Variants in TMEM253 observed in about 807,000 individuals in gnomAD.
The protein encoded by TMEM253 is transmembrane protein C14orf176.
TMEM253 carries 22 observed loss-of-function variants against 20.3 expected under a neutral mutation model. That is an observed-to-expected ratio of 1.08 (90% CI 0.78 to 1.55). The LOEUF (loss-of-function observed/expected upper bound fraction) is 1.55, where lower values mean the gene tolerates loss of function less well. TMEM253 is among the 40% of genes most tolerant of loss of function. TMEM253 has a pLI of 0.00. For missense variants in TMEM253, 251 were observed against 266.1 expected (o/e 0.94, Z 0.39); for synonymous variants, 92 against 102.6 (o/e 0.90, Z 0.62).
chr14:21,102,020 C>T, intron 3 of TMEM253, 44 bp from the exon 4 acceptor site: 1 of 1,550,574 alleles, frequency 6.4e-7, no homozygotes, highest in Non-Finnish European at 8.7e-7. Context: ...AGGGCCCCTT[C>T]CTAACGGGAC....
chr14:21,101,451 G>C, exon 2 of TMEM253: 1 of 1,551,110 alleles, frequency 6.4e-7, no homozygotes, highest in Non-Finnish European at 8.7e-7. Flanking sequence ...TGGTGCTAGC[G>C]GTGAGGCCAG....
exon 3 of TMEM253, chr14:21,101,958 C>A: frequency 6.4e-7 from 1 of 1,551,684 alleles, no homozygotes; most frequent in Non-Finnish European, 8.7e-7. Context: ...AGCGCTGCCT[C>A]TTGGGCCTGG....
chr14:21,103,275 C>G, exon 7 of TMEM253: 1 of 1,547,296 alleles, frequency 6.5e-7, no homozygotes, highest in East Asian at 2.4e-5. Context: ...GCTCTCCAGA[C>G]ATTCCTGCAT....
chr14:21,102,933 A>G, intron 6 of TMEM253, 154 bp downstream of exon 6: 2 of 1,359,122 alleles, frequency 1.5e-6, no homozygotes, highest in South Asian at 1.5e-5. Flanking sequence ...GGCTTTGAAC[A>G]TTTCTCCCCT....
rs1352806447 is a variant in TMEM253, at chr14:21,103,196, A to C, written c.592A>C (p.Thr198Pro). The C allele has an allele frequency of 7.7e-6, 12 of 1,551,716 alleles. 1 individual carries two copies. Among genetic ancestry groups the C allele is most frequent in the Admixed American group, 2.0e-5 (1 of 51,004 alleles). The stretch of plus-strand genomic sequence containing the variant: ...GGAGAATGGTCCCACGGTGGCCAGC[A>C]CAGGAGCAAATGAGAGGGTGGGACA... The change falls in exon 7 of 7, where the codon ACA becomes CCA. Residue 198 changes from threonine (T) to proline (P), a missense_variant. Physicochemically the swap from Thr to Pro is conservative, Grantham distance 38. Transcript: ENST00000556585.
chr14:21,099,789 G>A (rs1473237909), upstream of TMEM253, among the ~76,000 whole-genome samples: 1 of 152,216 alleles, frequency 6.6e-6, no homozygotes, highest in Non-Finnish European at 1.5e-5. Flanking sequence ...AGGGAACAGA[G>A]AGATTAAGCA....
chr14:21,102,358 G>A (rs1202931361), intron 4 of TMEM253, 47 bp from the exon 5 acceptor site: 52 of 1,543,574 alleles, frequency 3.4e-5, no homozygotes, highest in Non-Finnish European at 4.3e-5. Context: ...GATTGAGGTT[G>A]GAATGACTCC....
chr14:21,099,815 C>T (rs995976584), upstream of TMEM253, among the ~76,000 whole-genome samples: 3 of 152,146 alleles, frequency 2.0e-5, no homozygotes, highest in African/African-American at 7.2e-5. Flanking sequence ...CCAAGGGCAC[C>T]TAGGTAGATC....
At chr14:21,099,437 T>C (rs960084840), upstream of TMEM253, among the ~76,000 whole-genome samples, 1 of 151,570 alleles carries the variant, frequency 6.6e-6, no homozygotes, top group African/African-American at 2.4e-5. Flanking sequence ...TGAGGAGGAG[T>C]AGACACACAG....
At chr14:21,099,443 C>T (rs1453432328), upstream of TMEM253, among the ~76,000 whole-genome samples, 2 of 152,162 alleles carry the variant, frequency 1.3e-5, no homozygotes, top group Non-Finnish European at 2.9e-5. Flanking sequence ...GGAGTAGACA[C>T]ACAGCAGTTT....
chr14:21,102,490 G>T, exon 5 of TMEM253: 1 of 1,551,722 alleles, frequency 6.4e-7, no homozygotes, highest in East Asian at 2.4e-5. Flanking sequence ...ACAGCCTTGG[G>T]GCCTGCCCCA....
upstream of TMEM253, chr14:21,099,330 G>A (rs1952512): frequency 0.14 from 22,016 of 152,264 alleles, 2,130 homozygotes; most frequent in African/African-American, 0.27. Flanking sequence ...TGAGGCTTCA[G>A]GAAGTCTGTT....
chr14:21,103,483 C>T, exon 7 of TMEM253: 1 of 619,052 alleles, frequency 1.6e-6, no homozygotes, highest in Non-Finnish European at 2.7e-6. Flanking sequence ...TCCTCTCTTC[C>T]TGTCACCTCC....
chr14:21,100,802 C>T (rs1226500505), upstream of TMEM253, among the ~76,000 whole-genome samples: 1 of 151,956 alleles, frequency 6.6e-6, no homozygotes, highest in Non-Finnish European at 1.5e-5. Flanking sequence ...GGGAAGGGCA[C>T]ATAATTTGAG....
exon 7 of TMEM253, chr14:21,103,521 C>A: frequency 2.1e-6 from 1 of 472,202 alleles, no homozygotes; most frequent in South Asian, 2.5e-5. Flanking sequence ...TGCCTCATCG[C>A]ACTTTTCTTT....
At chr14:21,101,181 C>T in exon 1 of TMEM253, 1 of 606,596 alleles carries the variant, frequency 1.6e-6, no homozygotes, top group East Asian at 3.2e-5. Context: ...CTGCTTCAGA[C>T]TAGGTAGGTG....
chr14:21,099,115 G>A (rs1889487659), upstream of TMEM253: 1 of 246,316 alleles, frequency 4.1e-6, no homozygotes, highest in African/African-American at 2.3e-5. Flanking sequence ...CTTACTAAGT[G>A]CCAGGCACTG....
chr14:21,102,516 G>A lies in TMEM253; in HGVS notation c.387+1G>A, dbSNP rs1278529654. 2.6e-6 allele frequency: 4 copies of A among 1,551,774 alleles called. No individual in the cohort carries two copies. In the Admixed American group the frequency reaches 7.8e-5, roughly 30 times the overall value. ...GCCTGCCCCAACTGCCTCCTCCCAG[G>A]TACTGGTCAATGAAGGAGAAGGTGG... On this transcript the variant is annotated splice_donor_variant, in intron 5 of 6. Transcript: ENST00000556585. LOFTEE classifies it high-confidence loss of function.
At chr14:21,102,900 A>G (rs954359178) in intron 6 of TMEM253, 121 bp downstream of exon 6, 1 of 1,423,188 alleles carries the variant, frequency 7.0e-7, no homozygotes, top group Non-Finnish European at 9.3e-7. Context: ...GAGGTCCTAG[A>G]ATGAAACTGA....
Sources: allele counts gnomAD v4.1 joint callset (sites outside exome capture counted in the v4.1 genomes callset), GRCh38; gene constraint gnomAD v4.1.1; transcripts MANE v1.5; gene names NCBI Gene and HGNC (gene_info 2026-07-23, HGNC 2026-07-21).